The following GAD1 variants were observed in gnomAD, a reference collection of about 807,000 sequenced individuals.
GAD1 encodes the protein glutamate decarboxylase 1.
Under a neutral mutation model 75.2 loss-of-function variants are expected in GAD1, and 35 were observed. That is an observed-to-expected ratio of 0.47 (90% CI 0.36 to 0.62). The LOEUF is 0.62. GAD1 is among the 20% of genes least tolerant of loss of function. GAD1 has a pLI of 0.00. For synonymous variants in GAD1, 257 were observed against 271.9 expected, an observed-to-expected ratio of 0.95 and a Z score of 0.54; for missense variants, 490 against 758.5, an observed-to-expected ratio of 0.65 and a Z score of 4.16.
chr2:170,819,613 TTGGAG>T, intron 2 of GAD1, among the ~76,000 whole-genome samples: 1 of 152,290 alleles, frequency 6.6e-6, no homozygotes, highest in East Asian at 1.9e-4. Flanking sequence ...TTTTTCCTTG[TTGGAG>T]TGAAGAAGTG....
chr2:170,822,816 C>T (rs1257212921), intron 3 of GAD1, among the ~76,000 whole-genome samples: 1 of 152,204 alleles, frequency 6.6e-6, no homozygotes, highest in African/African-American at 2.4e-5. Flanking sequence ...GAGGGTTTGC[C>T]TGGCGCATCC....
In GAD1 at chr2:170,853,490, G is replaced by A. The variant is rs556244727; in HGVS notation, c.1264-383G>A. ...AAGGTTGGAAGACTTTTGCCAGAGC[G>A]CTTTTGGAGAGAAAAATTCTTCACA... On this transcript the variant is annotated intron_variant, in intron 13 of 16. Coordinates refer to ENST00000358196, the MANE Select transcript of GAD1 (RefSeq NM_000817.3). This position sits in a 1 kb window ranked among gnomAD's most constrained non-coding sequence, Gnocchi z 4.1. The A allele has an allele frequency of 1.9e-5, 5 of 267,004 alleles. No individual in the cohort carries two copies. The highest frequency in any genetic ancestry group is 6.5e-5 in the African/African-American group (3 of 45,970). 16.5% of individuals were successfully genotyped at this position (267,004 alleles called of 1,614,324 possible). A position where few individuals can be genotyped will look rare whatever the true frequency, so the allele number is the denominator to read the frequency against.
intron 5 of GAD1, among the ~76,000 whole-genome samples, chr2:170,832,911 C>G (rs3791860): frequency 0.41 from 61,872 of 152,116 alleles, 14,144 homozygotes; most frequent in Non-Finnish European, 0.51. Context: ...TGCTTAGAAA[C>G]AGCTCAGACT....
chr2:170,822,174 C>T (rs1044536232), intron 3 of GAD1, 25 bp downstream of exon 3: 1 of 1,608,384 alleles, frequency 6.2e-7, no homozygotes, highest in Non-Finnish European at 8.5e-7. Context: ...CCACTGGGGC[C>T]CGGCTGGGTG....
chr2:170,849,054 C>T, intron 11 of GAD1: 2 of 597,208 alleles, frequency 3.3e-6, no homozygotes, highest in Non-Finnish European at 6.1e-6. Context: ...TCAGACCTGG[C>T]CTAGCTGTAT....
At chr2:170,815,259 C>T (rs532245226), upstream of GAD1, among the ~76,000 whole-genome samples, 213 of 152,318 alleles carry the variant, frequency 1.4e-3, 1 homozygote, top group Non-Finnish European at 2.5e-3. Flanking sequence ...CCCCAAGCCT[C>T]AGTGCCCGGG....
Position 170,829,316 on chromosome 2 carries a change from G to A in GAD1, c.146-159G>A, listed in dbSNP as rs1303783138. 8.9e-6 allele frequency: 7 copies of A among 786,936 alleles called. No individual in the cohort carries two copies. In the Admixed American group the frequency reaches 1.1e-4, roughly 12 times the overall value. 48.7% of individuals were successfully genotyped at this position (786,936 alleles called of 1,614,324 possible). On this transcript the variant is annotated intron_variant, in intron 3 of 16. Transcript: ENST00000358196. ...GGCACTGCCCCCCTCCCTGCCTGAA[G>A]GCGAGCAGTGCCAGAGCCACTGTAT...
intron 3 of GAD1, 170 bp from the exon 4 acceptor site, chr2:170,829,305 C>T: frequency 1.4e-6 from 1 of 720,382 alleles, no homozygotes; most frequent in South Asian, 1.7e-5. Context: ...CTGCCCCCCT[C>T]CCTGCCTGAA....
chr2:170,849,391 A>T (rs1161336215), intron 12 of GAD1, 41 bp downstream of exon 12: 1 of 1,575,868 alleles, frequency 6.3e-7, no homozygotes, highest in Admixed American at 1.7e-5. Context: ...CACCCAGCAC[A>T]TCAAACAGAC....
chr2:170,819,768 G>A (rs917786434), intron 2 of GAD1, among the ~76,000 whole-genome samples: 38 of 152,172 alleles, frequency 2.5e-4, no homozygotes, highest in African/African-American at 9.2e-4. Context: ...AAGAAGGATA[G>A]TGTGGTTACA....
At chr2:170,832,376 T>G (rs1049854987) in intron 5 of GAD1, among the ~76,000 whole-genome samples, 1 of 152,144 alleles carries the variant, frequency 6.6e-6, no homozygotes, top group African/African-American at 2.4e-5. Context: ...CTGCCTTCAC[T>G]TCACATGGCC....
intron 6 of GAD1, among the ~76,000 whole-genome samples, chr2:170,838,525 A>G (rs1702426698): frequency 6.6e-6 from 1 of 152,256 alleles, no homozygotes. Flanking sequence ...TAAAAGATAC[A>G]TATCTATTAA....
chr2:170,831,594 A>ATGTGTGTGTGTGTG (rs370649454), intron 5 of GAD1, among the ~76,000 whole-genome samples: 72 of 122,780 alleles, frequency 5.9e-4, no homozygotes, highest in African/African-American at 1.2e-3. Context: ...GTCTCTACAT[A>ATGTGTGTGTGTGTG]TGTGTGTGTG....
chr2:170,818,965 G>T lies in GAD1; in HGVS notation c.82+292G>T, dbSNP rs1460729252. ...GCCAGGGTGTTGTTTTTATTCTGTT[G>T]TGTGTGGTTTCTTTGCTCCGTGGGA... On this transcript the variant is annotated intron_variant, in intron 2 of 16. Coordinates refer to ENST00000358196, the MANE Select transcript of GAD1 (RefSeq NM_000817.3). The surrounding 1 kb of genome is among the most constrained non-coding windows in gnomAD (Gnocchi z 5.9). Among the ~76,000 whole-genome samples, 6 of 152,156 alleles carry T rather than the reference G, an allele frequency of 3.9e-5. No individual in the cohort carries two copies. The highest frequency in any genetic ancestry group is 1.4e-4 in the African/African-American group (6 of 41,422).
chr2:170,844,424 T>TTTTG, intron 7 of GAD1, among the ~76,000 whole-genome samples: 1 of 150,074 alleles, frequency 6.7e-6, no homozygotes, highest in South Asian at 2.1e-4. Context: ...TTTTTTTTTT[T>TTTTG]TTGAGACAGG....
In GAD1 at chr2:170,857,047, C is replaced by T. The variant is rs376911115; in HGVS notation, c.1443C>T (p.Asn481=). The change falls in exon 15 of 17, where the codon AAC becomes AAT. Residue 481 remains asparagine (N), a synonymous_variant. Coordinates refer to ENST00000358196, the MANE Select transcript of GAD1 (RefSeq NM_000817.3). ...KGTVGFENQI[N]KCLELAEYLY... is the part of the protein sequence containing the mutation. ...CAGTGGGATTTGAAAACCAGATCAA[C>T]AAATGCCTGGAACTGGCTGAATACC... 35 of 1,613,810 alleles carry T rather than the reference C, an allele frequency of 2.2e-5. No individual in the cohort carries two copies. The highest frequency in any genetic ancestry group is 2.7e-5 in the Non-Finnish European group (32 of 1,179,946).
chr2:170,828,053 CTCCTCCTTCTGCTG>C, intron 3 of GAD1, among the ~76,000 whole-genome samples: 1 of 29,000 alleles, frequency 3.4e-5, no homozygotes, highest in Non-Finnish European at 6.4e-5. Context: ...ATCCTCACCC[CTCCTCCTTCTGCTG>C]TCCTCCCTCT....
Position 170,818,383 on chromosome 2 carries a change from T to A in GAD1, c.-63-146T>A. 1 of 607,958 alleles carries A rather than the reference T, an allele frequency of 1.6e-6. No homozygotes were observed. The highest frequency in any genetic ancestry group is 3.0e-6 in the Non-Finnish European group (1 of 336,794). 37.7% of individuals were successfully genotyped at this position (607,958 alleles called of 1,614,324 possible). A position where few individuals can be genotyped will look rare whatever the true frequency, so the allele number is the denominator to read the frequency against. ...CGCTGCCCCCACCCCTGCGCACCCC[T>A]ACCAGGCAGGCTCGCTGCCTTTCCT... On this transcript the variant is annotated intron_variant, in intron 1 of 16. Coordinates refer to ENST00000358196, the MANE Select transcript of GAD1 (RefSeq NM_000817.3). This position sits in a 1 kb window ranked among gnomAD's most constrained non-coding sequence, Gnocchi z 5.9.
At chr2:170,823,454 T>C (rs1239322245) in intron 3 of GAD1, among the ~76,000 whole-genome samples, 1 of 152,174 alleles carries the variant, frequency 6.6e-6, no homozygotes, top group Non-Finnish European at 1.5e-5. Context: ...ACTCGGCGTT[T>C]AGGGAGGAAC....
Sources: gnomAD v4.1 joint callset for allele counts (sites outside exome capture counted in the v4.1 genomes callset) on GRCh38, gnomAD v4.1.1 for gene constraint, Gnocchi (gnomAD v3.1) non-coding constraint, MANE v1.5 for transcripts, NCBI Gene and HGNC (gene_info 2026-07-23, HGNC 2026-07-21) for gene names.